SAMTOR: variants seen among roughly 807,000 people sequenced by gnomAD.
SAMTOR encodes the protein UPF0532 protein C7orf60.
chr7:112,937,550 T>C, the SAMTOR span, among the ~76,000 whole-genome samples: 1 of 151,598 alleles, frequency 6.6e-6, no homozygotes, highest in Non-Finnish European at 1.5e-5. Context: ...ACAGATGACT[T>C]TTTTACTACT....
chr7:112,901,505 T>G, the SAMTOR span, among the ~76,000 whole-genome samples: 1 of 152,190 alleles, frequency 6.6e-6, no homozygotes, highest in Non-Finnish European at 1.5e-5. Flanking sequence ...GTACAATTAT[T>G]TCATTATATA....
At chr7:112,841,425 T>TAA in the SAMTOR span, among the ~76,000 whole-genome samples, 12 of 151,598 alleles carry the variant, frequency 7.9e-5, no homozygotes, top group African/African-American at 2.7e-4. Flanking sequence ...CTCAAGGAAA[T>TAA]AAGAGGACAC....
At chr7:112,918,329 T>A in the SAMTOR span, among the ~76,000 whole-genome samples, 1 of 152,328 alleles carries the variant, frequency 6.6e-6, no homozygotes, top group African/African-American at 2.4e-5. Context: ...AACCCAGAAT[T>A]TCATATGCAG....
chr7:112,885,038 G>C, the SAMTOR span, among the ~76,000 whole-genome samples: 7 of 152,310 alleles, frequency 4.6e-5, no homozygotes, highest in East Asian at 1.2e-3. Context: ...ACACCATGTG[G>C]AAGCCTTCAA....
the SAMTOR span, among the ~76,000 whole-genome samples, chr7:112,909,685 G>A: frequency 7.2e-5 from 11 of 151,874 alleles, no homozygotes; most frequent in Non-Finnish European, 1.3e-4. Context: ...GTAGGAAAAG[G>A]CTAATGTATT....
the SAMTOR span, among the ~76,000 whole-genome samples, chr7:112,895,997 A>G: frequency 6.6e-6 from 1 of 152,238 alleles, no homozygotes; most frequent in Non-Finnish European, 1.5e-5. Context: ...GTGTTTGTAT[A>G]TACTTTACTG....
the SAMTOR span, among the ~76,000 whole-genome samples, chr7:112,918,390 C>A: frequency 6.6e-6 from 1 of 152,122 alleles, no homozygotes; most frequent in African/African-American, 2.4e-5. Flanking sequence ...TACAGACAAG[C>A]AAATGCTGAG....
the SAMTOR span, among the ~76,000 whole-genome samples, chr7:112,839,191 T>C: frequency 7.7e-4 from 117 of 151,794 alleles, 1 homozygote; most frequent in Non-Finnish European, 2.9e-4. Flanking sequence ...GGCATTTCCA[T>C]TGGCCTAATT....
At chr7:112,924,585 G>T in the SAMTOR span, among the ~76,000 whole-genome samples, 1 of 151,980 alleles carries the variant, frequency 6.6e-6, no homozygotes, top group South Asian at 2.1e-4. Context: ...ATTTTTGAGG[G>T]GGCTATGTAC....
At chr7:112,869,123 G>C in the SAMTOR span, among the ~76,000 whole-genome samples, 1 of 152,142 alleles carries the variant, frequency 6.6e-6, no homozygotes, top group East Asian at 1.9e-4. Flanking sequence ...GCCACTGAAG[G>C]GGGCAACAGC....
the SAMTOR span, among the ~76,000 whole-genome samples, chr7:112,842,632 G>T: frequency 6.6e-6 from 1 of 151,916 alleles, no homozygotes. Context: ...AATTATCTTA[G>T]TCTAACTAGT....
At chr7:112,888,304 G>C in the SAMTOR span, among the ~76,000 whole-genome samples, 2 of 152,076 alleles carry the variant, frequency 1.3e-5, no homozygotes, top group Non-Finnish European at 2.9e-5. Flanking sequence ...TCTGTATAAT[G>C]ATCTATCTTT....
chr7:112,916,511 C>G, the SAMTOR span, among the ~76,000 whole-genome samples: 4 of 152,170 alleles, frequency 2.6e-5, no homozygotes, highest in Non-Finnish European at 5.9e-5. Context: ...CCCAGCGTGA[C>G]TGAAGCAGAA....
chr7:112,820,778 T>G, the SAMTOR span: 1 of 152,038 alleles, frequency 6.6e-6, no homozygotes, highest in Non-Finnish European at 1.5e-5. Context: ...AACAGAGGGT[T>G]AATTTTAGGT....
At chr7:112,882,273 A>G in the SAMTOR span, among the ~76,000 whole-genome samples, 2 of 152,222 alleles carry the variant, frequency 1.3e-5, no homozygotes, top group South Asian at 2.1e-4. Flanking sequence ...AGCTGATAAC[A>G]ACCTGCCAGG....
At chr7:112,926,506 A>G in the SAMTOR span, among the ~76,000 whole-genome samples, 2 of 152,176 alleles carry the variant, frequency 1.3e-5, no homozygotes, top group Non-Finnish European at 2.9e-5. Flanking sequence ...TTGTAGGCTA[A>G]TGCAACTCAG....
At chr7:112,840,744 C>A in the SAMTOR span, among the ~76,000 whole-genome samples, 2 of 151,658 alleles carry the variant, frequency 1.3e-5, no homozygotes, top group African/African-American at 4.8e-5. Flanking sequence ...TCAAGCAATT[C>A]TTTTCTCTAA....
At chr7:112,923,698 T>C in the SAMTOR span, among the ~76,000 whole-genome samples, 2 of 151,888 alleles carry the variant, frequency 1.3e-5, no homozygotes, top group African/African-American at 2.4e-5. Context: ...ACTGGGTATA[T>C]ACCCAAAGGA....
the SAMTOR span, among the ~76,000 whole-genome samples, chr7:112,902,416 C>CAAAAAAAAAAAAAAAAAAAAAAAAAAA: frequency 6.5e-4 from 8 of 12,320 alleles, 1 homozygote; most frequent in East Asian, 0.012. Context: ...AACTCCGTCT[C>CAAAAAAAAAAAAAAAAAAAAAAAAAAA]AAAAAAAAAA....
Sources: gnomAD v4.1 joint callset for allele counts (sites outside exome capture counted in the v4.1 genomes callset) on GRCh38, gnomAD v4.1.1 for gene constraint, MANE v1.5 for transcripts, NCBI Gene and HGNC (gene_info 2026-07-23, HGNC 2026-07-21) for gene names.